The following FBXL7 variants were observed in gnomAD, a reference collection of about 807,000 sequenced individuals.
FBXL7 encodes F-box/LRR-repeat protein 7.
A neutral mutation model predicts 38.3 loss-of-function variants in FBXL7; 12 were observed. The observed-to-expected ratio is 0.31, with a 90% CI of 0.20 to 0.51. FBXL7 has a LOEUF of 0.51. FBXL7 is among the 20% of genes least tolerant of loss of function. The probability of loss-of-function intolerance (pLI) is 0.98; values close to 1 mark genes in which losing one functional copy is unlikely to be tolerated. For missense variants in FBXL7, 567 were observed against 676.4 expected, an observed-to-expected ratio of 0.84 and a Z score of 1.79; for synonymous variants, 297 against 300.9, an observed-to-expected ratio of 0.99 and a Z score of 0.13.
intron 1 of FBXL7, among the ~76,000 whole-genome samples, chr5:15,564,827 T>A (rs1308016261): frequency 6.6e-6 from 1 of 152,100 alleles, no homozygotes; most frequent in Non-Finnish European, 1.5e-5. Context: ...CAAAATGTTA[T>A]GAGGTTTGCT....
At chr5:15,789,939 G>A (rs1008650761) in intron 2 of FBXL7, among the ~76,000 whole-genome samples, 1 of 152,078 alleles carries the variant, frequency 6.6e-6, no homozygotes, top group Non-Finnish European at 1.5e-5. Flanking sequence ...ATTAGTGAGG[G>A]GCAGATTCTG....
intron 1 of FBXL7, among the ~76,000 whole-genome samples, chr5:15,567,851 G>GT (rs1261422482): frequency 6.6e-6 from 1 of 151,846 alleles, no homozygotes; most frequent in African/African-American, 2.4e-5. Context: ...ACAGTGTTTG[G>GT]TTTTTTGTCC....
chr5:15,670,357 A>G (rs1311645015), intron 2 of FBXL7, among the ~76,000 whole-genome samples: 4 of 152,146 alleles, frequency 2.6e-5, no homozygotes, highest in African/African-American at 9.7e-5. Flanking sequence ...CTTTCTCCAT[A>G]TGGTTTACAT....
At chr5:15,615,270 G>A (rs572200146) in intron 1 of FBXL7, among the ~76,000 whole-genome samples, 5 of 152,170 alleles carry the variant, frequency 3.3e-5, no homozygotes, top group Admixed American at 6.6e-5. Flanking sequence ...TGGTACCATT[G>A]ACATTTGGGC....
chr5:15,918,680 A>T (rs1741663682), intron 2 of FBXL7, among the ~76,000 whole-genome samples: 1 of 152,194 alleles, frequency 6.6e-6, no homozygotes, highest in African/African-American at 2.4e-5. Flanking sequence ...CTGATATTAC[A>T]TGAGTTCCAC....
At chr5:15,837,099 C>A (rs1336582075) in intron 2 of FBXL7, among the ~76,000 whole-genome samples, 1 of 152,144 alleles carries the variant, frequency 6.6e-6, no homozygotes, top group African/African-American at 2.4e-5. Context: ...ACAGCAAGAT[C>A]CCTAATACTT....
At chr5:15,573,104 C>T (rs1408475113) in intron 1 of FBXL7, among the ~76,000 whole-genome samples, 1 of 152,190 alleles carries the variant, frequency 6.6e-6, no homozygotes, top group Non-Finnish European at 1.5e-5. Context: ...GGACACATCT[C>T]TGTGATTTCA....
At chr5:15,575,729 A>G (rs1157708024) in intron 1 of FBXL7, among the ~76,000 whole-genome samples, 2 of 152,210 alleles carry the variant, frequency 1.3e-5, no homozygotes, top group Non-Finnish European at 2.9e-5. Context: ...ACTGGCATGC[A>G]ATAACATAAG....
chr5:15,521,450 A>C (rs904025981), intron 1 of FBXL7, among the ~76,000 whole-genome samples: 3 of 152,238 alleles, frequency 2.0e-5, no homozygotes, highest in Non-Finnish European at 4.4e-5. Context: ...TTGATTAAAT[A>C]GGATGTTACT....
intron 1 of FBXL7, among the ~76,000 whole-genome samples, chr5:15,531,864 C>A (rs910294975): frequency 6.6e-6 from 1 of 152,176 alleles, no homozygotes; most frequent in African/African-American, 2.4e-5. Flanking sequence ...TATATGCTTC[C>A]TCTTCTTGCT....
intron 2 of FBXL7, among the ~76,000 whole-genome samples, chr5:15,745,181 ATATT>A (rs1442370499): frequency 1.3e-5 from 2 of 152,196 alleles, no homozygotes; most frequent in African/African-American, 4.8e-5. Context: ...TTATAAATAA[ATATT>A]TAATTATTTG....
chr5:15,879,408 T>C (rs1244680280), intron 2 of FBXL7, among the ~76,000 whole-genome samples: 2 of 152,168 alleles, frequency 1.3e-5, no homozygotes, highest in African/African-American at 2.4e-5. Flanking sequence ...GCACCATACT[T>C]AGCCTCTCTG....
intron 2 of FBXL7, among the ~76,000 whole-genome samples, chr5:15,831,181 A>G (rs1020089012): frequency 6.6e-6 from 1 of 152,196 alleles, no homozygotes; most frequent in Non-Finnish European, 1.5e-5. Flanking sequence ...CACCCCTTGC[A>G]TGATGGAATA....
At chr5:15,891,621 G>A (rs564061725) in intron 2 of FBXL7, among the ~76,000 whole-genome samples, 9 of 152,254 alleles carry the variant, frequency 5.9e-5, no homozygotes, top group African/African-American at 1.7e-4. Flanking sequence ...GGTAAGTACC[G>A]CCAGGATAAA....
chr5:15,655,360 G>A (rs1217943243), intron 2 of FBXL7, among the ~76,000 whole-genome samples: 1 of 151,954 alleles, frequency 6.6e-6, no homozygotes, highest in Non-Finnish European at 1.5e-5. Context: ...ATTGTGCATG[G>A]TGGCACACAC....
chr5:15,868,501 A>G (rs1579543288), intron 2 of FBXL7, among the ~76,000 whole-genome samples: 1 of 152,254 alleles, frequency 6.6e-6, no homozygotes, highest in East Asian at 1.9e-4. Context: ...TTTAGTACCC[A>G]GCATCAATGC....
Position 15,528,537 on chromosome 5 carries a change from G to A in FBXL7, c.37+27824G>A, listed in dbSNP as rs142145705. Among the ~76,000 whole-genome samples, 171 of 152,276 alleles carry A rather than the reference G, an allele frequency of 1.1e-3. 3 individuals carry two copies. In the East Asian group the frequency reaches 0.026, roughly 23 times the overall value. ...GGTAAAAGGCATGACTTACATGGTG[G>A]CAGGCAAAAGAGAATGAGAGCCAAA... On this transcript the variant is annotated intron_variant, in intron 1 of 3. Coordinates refer to ENST00000504595, the MANE Select transcript of FBXL7 (RefSeq NM_012304.5).
intron 1 of FBXL7, among the ~76,000 whole-genome samples, chr5:15,505,321 A>G (rs1451328548): frequency 6.6e-6 from 1 of 152,054 alleles, no homozygotes; most frequent in African/African-American, 2.4e-5. Context: ...GAGGATGATC[A>G]TTTTCCCAAG....
At chr5:15,519,678 A>C (rs992833252) in intron 1 of FBXL7, among the ~76,000 whole-genome samples, 10 of 152,268 alleles carry the variant, frequency 6.6e-5, no homozygotes, top group African/African-American at 2.4e-4. Flanking sequence ...AATCTGAGAA[A>C]GAGTTTGAGC....
Sources: gnomAD v4.1 joint callset for allele counts (sites outside exome capture counted in the v4.1 genomes callset) on GRCh38, gnomAD v4.1.1 for gene constraint, MANE v1.5 for transcripts, NCBI Gene and HGNC (gene_info 2026-07-23, HGNC 2026-07-21) for gene names.